Variants in SDF4 observed in about 807,000 individuals in gnomAD.
SDF4 encodes the protein stromal cell derived factor 4.
Under a neutral mutation model 34.2 loss-of-function variants are expected in SDF4, and 22 were observed. The observed-to-expected ratio is 0.64, with a 90% CI of 0.46 to 0.92. The LOEUF is 0.92. SDF4 is among the 40% of genes least tolerant of loss of function. The pLI is 0.00. For synonymous variants in SDF4, 236 were observed against 203.1 expected (o/e 1.16, Z -1.38); for missense variants, 447 against 499.9 (o/e 0.89, Z 1.01).
chr1:1,230,225 C>T (rs1406267595), intron 1 of SDF4, among the ~76,000 whole-genome samples: 1 of 152,212 alleles, frequency 6.6e-6, no homozygotes, highest in African/African-American at 2.4e-5. Context: ...GTTCTGTGGC[C>T]GTCTTATTCA....
intron 4 of SDF4, among the ~76,000 whole-genome samples, chr1:1,222,843 C>T (rs1414163751): frequency 1.3e-5 from 2 of 152,262 alleles, no homozygotes; most frequent in Non-Finnish European, 2.9e-5. Flanking sequence ...GCTGTTAAGA[C>T]GAACACGTGT....
At chr1:1,229,801 C>G (rs530058317) in intron 1 of SDF4, among the ~76,000 whole-genome samples, 4 of 152,344 alleles carry the variant, frequency 2.6e-5, no homozygotes, top group South Asian at 2.1e-4. Flanking sequence ...CCCCTCTCCC[C>G]CCGACTGACC....
At position 1,228,910 on chromosome 1, in the gene SDF4, C is replaced by A; in HGVS notation, c.-138G>T. The stretch of plus-strand genomic sequence containing the variant: ...GGCACCACGGAGGGCTCTGTGTCCC[C>A]AGGACGGCCGCAGGATGGGGACAAG... On this transcript the variant is annotated 5_prime_UTR_variant, in exon 2 of 7. Coordinates refer to ENST00000360001, the MANE Select transcript of SDF4 (RefSeq NM_016176.6). 1 of 745,188 alleles carries A rather than the reference C, an allele frequency of 1.3e-6. No individual in the cohort carries two copies. The allele number at this position is 745,188 out of a possible 1,614,324, so 46.2% of individuals were successfully genotyped here.
In SDF4 at chr1:1,217,793, T is replaced by C. The variant is rs1649616639; in HGVS notation, c.892-105A>G. On this transcript the variant is annotated intron_variant, in intron 6 of 6. Transcript: ENST00000360001. The surrounding 1 kb of genome is among the most constrained non-coding windows in gnomAD (Gnocchi z 8.5). Reference sequence around the variant, plus strand: ...AGGTGCCTATTGGCTGCAGCGGGAGTGTGGGCACGTTCTGGAAGGTTCCCG... The same window carrying C: ...AGGTGCCTATTGGCTGCAGCGGGAGCGTGGGCACGTTCTGGAAGGTTCCCG... 3.8e-6 allele frequency: 6 copies of C among 1,585,654 alleles called. No homozygotes were observed. The South Asian group carries it at 4.5e-5, about 12-fold the overall frequency.
intron 3 of SDF4, 54 bp from the exon 4 acceptor site, chr1:1,223,411 T>A: frequency 1.6e-6 from 2 of 1,272,012 alleles, no homozygotes; most frequent in Non-Finnish European, 2.2e-6. Flanking sequence ...TGAACTTCCT[T>A]CTCAACTGAG....
chr1:1,220,938 C>G (rs951360700), intron 4 of SDF4: 1 of 378,632 alleles, frequency 2.6e-6, no homozygotes, highest in Non-Finnish European at 5.1e-6. Flanking sequence ...AAATGTAAAC[C>G]ACTCTTTTGG....
At position 1,218,692 on chromosome 1, in the gene SDF4, C is replaced by T. The variant is rs1379153613; in HGVS notation, c.716-59G>A. On this transcript the variant is annotated intron_variant, in intron 5 of 6. Transcript: ENST00000360001. This position sits in a 1 kb window ranked among gnomAD's most constrained non-coding sequence, Gnocchi z 7.9. ...GCTGGGGCTCCCGCAGGACCTGCCCCGACCTCCCGACGATGCCCGGCCCCT... is the reference window on the plus strand; with the variant it reads ...GCTGGGGCTCCCGCAGGACCTGCCCTGACCTCCCGACGATGCCCGGCCCCT... 1.9e-6 allele frequency: 3 copies of T among 1,611,608 alleles called. No homozygotes were observed. Among genetic ancestry groups the T allele is most frequent in the African/African-American group, 1.3e-5 (1 of 75,010 alleles).
chr1:1,219,574 G>C, intron 4 of SDF4: 1 of 988,002 alleles, frequency 1.0e-6, no homozygotes, highest in Non-Finnish European at 1.2e-6. Context: ...CTGGGGCTGA[G>C]CAGAGCTTCC....
At position 1,228,812 on chromosome 1, in the gene SDF4, TG is replaced by T; in HGVS notation, c.-41del. The T allele has an allele frequency of 1.3e-6, 2 of 1,554,658 alleles. No individual in the cohort carries two copies. The highest frequency in any genetic ancestry group is 2.3e-5 in the South Asian group (2 of 87,356). On this transcript the variant is annotated 5_prime_UTR_variant, in exon 2 of 7. Coordinates refer to ENST00000360001, the MANE Select transcript of SDF4 (RefSeq NM_016176.6). ...AGACCATGGGGCGGGCTGCAGGGTG[TG>T]GGCCAGGTGCTGGGAGGGGCAGGGG... is the stretch of plus-strand genomic sequence containing the variant.
chr1:1,221,049 C>A, intron 4 of SDF4: 1 of 327,468 alleles, frequency 3.1e-6, no homozygotes, highest in Non-Finnish European at 6.0e-6. Context: ...TAGCCCAGGA[C>A]TTTGAGACCA....
chr1:1,220,288 C>A (rs143254949), intron 4 of SDF4: 1 of 1,089,426 alleles, frequency 9.2e-7, no homozygotes, highest in Non-Finnish European at 1.1e-6. Context: ...GGACGCAGAC[C>A]CAGAGAGAGG....
intron 2 of SDF4, 53 bp from the exon 3 acceptor site, chr1:1,224,021 G>A (rs983736673): frequency 2.1e-5 from 34 of 1,598,944 alleles, no homozygotes; most frequent in Admixed American, 1.7e-4. Context: ...CCAGGACCCC[G>A]AACAGCCAGA....
chr1:1,220,311 C>T lies in SDF4; in HGVS notation c.557-1384G>A, dbSNP rs553203844. On this transcript the variant is annotated intron_variant, in intron 4 of 6. Transcript: ENST00000360001. ...ACCCAGAGAGAGGCAGCGATGGAGG[C>T]GGGGGAAGGGAGTGATGCCCGCCTG... 3.4e-4 allele frequency: 377 copies of T among 1,094,472 alleles called. 3 individuals are homozygous for T. In the African/African-American group the frequency reaches 5.4e-3, roughly 16 times the overall value. 67.8% of individuals were successfully genotyped at this position (1,094,472 alleles called of 1,614,324 possible). A position where few individuals can be genotyped will look rare whatever the true frequency, so the allele number is the denominator to read the frequency against.
At position 1,226,786 on chromosome 1, in the gene SDF4, G is replaced by A. The variant is rs144727054; in HGVS notation, c.305+1682C>T. Reference sequence around the variant, plus strand: ...ACCAAAAAGAAACCCCGGTCCAGCTGGAGACGCACCGAGCAGAAGCCTCAA... The same window carrying A: ...ACCAAAAAGAAACCCCGGTCCAGCTAGAGACGCACCGAGCAGAAGCCTCAA... On this transcript the variant is annotated intron_variant, in intron 2 of 6. Coordinates refer to ENST00000360001, the MANE Select transcript of SDF4 (RefSeq NM_016176.6). Among the ~76,000 whole-genome samples, 155 of 152,304 alleles carry A rather than the reference G, an allele frequency of 1.0e-3. 3 individuals carry two copies. Among genetic ancestry groups the A allele is most frequent in the Admixed American group, 9.1e-3 (139 of 15,308 alleles).
intron 1 of SDF4, among the ~76,000 whole-genome samples, chr1:1,231,603 A>G (rs1034790309): frequency 2.0e-5 from 3 of 152,188 alleles, no homozygotes; most frequent in African/African-American, 4.8e-5. Flanking sequence ...CGCGAGTCCA[A>G]CCAGACCCCT....
intron 4 of SDF4, among the ~76,000 whole-genome samples, chr1:1,221,974 G>GC (rs1356914498): frequency 6.6e-6 from 1 of 152,156 alleles, no homozygotes; most frequent in Non-Finnish European, 1.5e-5. Flanking sequence ...GAGGTGGTTT[G>GC]CCTTGAGACT....
At chr1:1,223,006 G>A (rs770481078) in intron 4 of SDF4, among the ~76,000 whole-genome samples, 2 of 149,906 alleles carry the variant, frequency 1.3e-5, no homozygotes, top group Non-Finnish European at 3.0e-5. Flanking sequence ...TCGTACACAC[G>A]ACACGCATAC....
At chr1:1,230,650 G>C (rs1638465285) in intron 1 of SDF4, among the ~76,000 whole-genome samples, 1 of 152,160 alleles carries the variant, frequency 6.6e-6, no homozygotes, top group Admixed American at 6.5e-5. Context: ...GTAGAGATGG[G>C]GTTTTGCCAT....
chr1:1,228,675 T>A lies in SDF4; in HGVS notation c.98A>T (p.Asn33Ile). The change falls in exon 2 of 7, where the codon AAC (asparagine) becomes ATC (isoleucine). Residue 33 changes from asparagine (N) to isoleucine (I), a missense_variant. Physicochemically the swap from Asn to Ile is moderately radical, Grantham distance 149. Transcript: ENST00000360001. ...LLMDASARPA[N>I]HSSTRERVAN... is the part of the protein sequence containing the mutation. ...TACTCTCTCTCGAGTGGACGAGTGG[T>A]TGGCAGGCCGTGCAGACGCGTCCAT... 1 of 1,613,020 alleles carries A rather than the reference T, an allele frequency of 6.2e-7. No individual in the cohort carries two copies. Among genetic ancestry groups the A allele is most frequent in the South Asian group, 1.1e-5 (1 of 91,084 alleles).
Sources: gnomAD v4.1 joint callset for allele counts (sites outside exome capture counted in the v4.1 genomes callset) on GRCh38, gnomAD v4.1.1 for gene constraint, Gnocchi (gnomAD v3.1) non-coding constraint, MANE v1.5 for transcripts, NCBI Gene and HGNC (gene_info 2026-07-23, HGNC 2026-07-21) for gene names.